ZNF211: variants seen among roughly 807,000 people sequenced by gnomAD.
ZNF211 encodes the protein zinc finger protein 211.
ZNF211 carries 18 observed loss-of-function variants against 12.1 expected under a neutral mutation model. The observed-to-expected ratio is 1.48, with a 90% confidence interval of 1.03 to 2.20. ZNF211 has a LOEUF of 2.20. Ranked by LOEUF, ZNF211 falls within the 30% of genes most tolerant of loss-of-function variation. The pLI is 0.00. For synonymous variants in ZNF211, 249 were observed against 246.0 expected, an observed-to-expected ratio of 1.01 and a Z score of -0.11; for missense variants, 677 against 703.1, an observed-to-expected ratio of 0.96 and a Z score of 0.42.
In ZNF211 at chr19:57,633,376, G is replaced by T; in HGVS notation, c.30G>T (p.Gln10His). ...TCGGGTTCCCCCCGGGTCGCCCGCA[G>T]CTCCCGGTCCAGCTCCGCCCACAGA... is the stretch of plus-strand genomic sequence containing the variant. MLGFPPGRPQLPVQLRPQTR... is the reference protein window; with the variant it reads MLGFPPGRPHLPVQLRPQTR... Residue 10 changes from glutamine (Q) to histidine (H), a missense_variant, in exon 1 of 4, where the codon CAG (glutamine) becomes CAT (histidine). Transcript: ENST00000240731. 1 of 1,602,104 alleles carries T rather than the reference G, an allele frequency of 6.2e-7. No individual in the cohort carries two copies. Among genetic ancestry groups the T allele is most frequent in the African/African-American group, 1.3e-5 (1 of 74,988 alleles).
chr19:57,640,766 G>T lies in ZNF211; in HGVS notation c.319G>T (p.Val107Leu), dbSNP rs773871849. The change falls in exon 4 of 4, where the codon GTG (valine) becomes TTG (leucine). Residue 107 changes from valine (V) to leucine (L), a missense_variant. Transcript: ENST00000240731. ...TGAACAGAGAATTTCTGGAGAAAGA[G>T]TGCCACAGTTCAGGACTTCCAAAGA... is the stretch of plus-strand genomic sequence containing the variant. ...PSEQRISGER[V>L]PQFRTSKEGS... 9.9e-6 allele frequency: 16 copies of T among 1,614,232 alleles called. No individual in the cohort carries two copies. The highest frequency in any genetic ancestry group is 7.7e-5 in the South Asian group (7 of 91,082).
intron 3 of ZNF211, among the ~76,000 whole-genome samples, chr19:57,638,352 T>G: frequency 6.6e-6 from 1 of 152,192 alleles, no homozygotes; most frequent in East Asian, 1.9e-4. Context: ...TGTTCCTCTT[T>G]TTATAATCCC....
chr19:57,634,798 C>G (rs1981929853), intron 3 of ZNF211, 43 bp downstream of exon 3: 2 of 1,473,340 alleles, frequency 1.4e-6, no homozygotes, highest in Non-Finnish European at 1.8e-6. Flanking sequence ...ACTAGGCTCT[C>G]TGTTTCTCCT....
intron 3 of ZNF211, among the ~76,000 whole-genome samples, chr19:57,636,071 TATTA>T (rs142789012): frequency 5.3e-4 from 81 of 152,314 alleles, no homozygotes; most frequent in Non-Finnish European, 9.3e-4. Context: ...AATTAGGTTT[TATTA>T]ATTATAATTA....
In ZNF211 at chr19:57,641,143, G is replaced by C. The variant is rs150549935; in HGVS notation, c.696G>C (p.Ala232=). 1.7e-5 allele frequency: 28 copies of C among 1,614,030 alleles called. No individual in the cohort carries two copies. The highest frequency in any genetic ancestry group is 2.3e-5 in the Non-Finnish European group (27 of 1,180,032). The part of the protein sequence containing the change: ...GEKPNNSNKC[A]VAFYSGKSHH... Reference sequence around the variant, plus strand: ...AGCCAAATAACAGTAACAAGTGTGCGGTGGCCTTTTACAGTGGAAAAAGTC... The same window carrying C: ...AGCCAAATAACAGTAACAAGTGTGCCGTGGCCTTTTACAGTGGAAAAAGTC... The change falls in exon 4 of 4, where the codon GCG becomes GCC. Residue 232 remains alanine, a synonymous_variant. Coordinates refer to ENST00000240731, the MANE Select transcript of ZNF211 (RefSeq NM_006385.5).
At chr19:57,635,668 G>T (rs751081463) in intron 3 of ZNF211, among the ~76,000 whole-genome samples, 2 of 152,072 alleles carry the variant, frequency 1.3e-5, no homozygotes, top group Non-Finnish European at 2.9e-5. Context: ...TCACCTTCTG[G>T]CTGTTGTGAA....
At position 57,633,253 on chromosome 19, in the gene ZNF211, T is replaced by C. The variant is rs919551207; in HGVS notation, c.-94T>C. The C allele has an allele frequency of 8.1e-7, 1 of 1,235,370 alleles. No homozygotes were observed. Among genetic ancestry groups the C allele is most frequent in the Non-Finnish European group, 1.1e-6 (1 of 918,230 alleles). 76.5% of individuals were successfully genotyped at this position (1,235,370 alleles called of 1,614,324 possible). A position where few individuals can be genotyped will look rare whatever the true frequency, so the allele number is the denominator to read the frequency against. The stretch of plus-strand genomic sequence containing the variant: ...CTGTCTGTCAGCCGCTTTGGTACGC[T>C]GCATCGGGATCGAAGTGACGGACCG... On this transcript the variant is annotated 5_prime_UTR_variant, in exon 1 of 4. Transcript: ENST00000240731.
intron 3 of ZNF211, among the ~76,000 whole-genome samples, chr19:57,639,393 CA>C (rs1982570702): frequency 1.2e-4 from 3 of 24,948 alleles, no homozygotes; most frequent in Non-Finnish European, 1.6e-4. Context: ...CTTCCCTTGT[CA>C]TTTCCTTTAT....
chr19:57,633,587 G>T, intron 1 of ZNF211, 151 bp downstream of exon 1: 1 of 1,518,274 alleles, frequency 6.6e-7, no homozygotes, highest in Non-Finnish European at 8.8e-7. Flanking sequence ...TGGGCAGGGG[G>T]ACAAGGGACA....
At chr19:57,637,652 T>C (rs1209189899) in intron 3 of ZNF211, among the ~76,000 whole-genome samples, 1 of 152,170 alleles carries the variant, frequency 6.6e-6, no homozygotes, top group African/African-American at 2.4e-5. Flanking sequence ...AGTTTGCTAG[T>C]GTTTGGTTGA....
chr19:57,640,761 A>G lies in ZNF211; in HGVS notation c.314A>G (p.Glu105Gly), dbSNP rs1982786992. ...ETPSEQRISG[E>G]RVPQFRTSKE... is the part of the protein sequence containing the mutation. ...CCTTCTGAACAGAGAATTTCTGGAGAAAGAGTGCCACAGTTCAGGACTTCC... is the reference window on the plus strand; with the variant it reads ...CCTTCTGAACAGAGAATTTCTGGAGGAAGAGTGCCACAGTTCAGGACTTCC... The change falls in exon 4 of 4, where the codon GAA becomes GGA. Residue 105 changes from glutamate to glycine, a missense_variant. Glu to Gly is a moderately conservative substitution (Grantham distance 98). Transcript: ENST00000240731. 6.2e-7 allele frequency: 1 copy of G among 1,614,224 alleles called. No individual in the cohort carries two copies. The highest frequency in any genetic ancestry group is 8.5e-7 in the Non-Finnish European group (1 of 1,180,028).
At chr19:57,637,362 T>G (rs1982271837) in intron 3 of ZNF211, among the ~76,000 whole-genome samples, 1 of 152,084 alleles carries the variant, frequency 6.6e-6, no homozygotes, top group African/African-American at 2.4e-5. Context: ...TTTCTGAGTG[T>G]TTTCCCCACG....
chr19:57,635,125 T>C (rs958535571), intron 3 of ZNF211, among the ~76,000 whole-genome samples: 2 of 152,336 alleles, frequency 1.3e-5, no homozygotes, highest in African/African-American at 4.8e-5. Flanking sequence ...TTACACAGAC[T>C]GTTCTTCAAC....
rs781234123 is a variant in ZNF211, at chr19:57,641,213, A to G, written c.766A>G (p.Thr256Ala). The G allele has an allele frequency of 6.2e-7, 1 of 1,614,098 alleles. No homozygotes were observed. The part of the protein sequence containing the change: ...KCSKAFSHID[T>A]LVQDQRILTR... Reference sequence around the variant, plus strand: ...CAGTAAAGCCTTTAGCCACATAGACACACTTGTTCAGGACCAGAGAATCCT... The same window carrying G: ...CAGTAAAGCCTTTAGCCACATAGACGCACTTGTTCAGGACCAGAGAATCCT... The change falls in exon 4 of 4, where the codon ACA becomes GCA. Residue 256 changes from threonine (T) to alanine (A), a missense_variant. Coordinates refer to ENST00000240731, the MANE Select transcript of ZNF211 (RefSeq NM_006385.5).
Position 57,640,921 on chromosome 19 carries a change from C to CA in ZNF211, c.475dup (p.Ile159AsnfsTer69). 6.2e-7 allele frequency: 1 copy of CA among 1,614,218 alleles called. No individual in the cohort carries two copies. Among genetic ancestry groups the CA allele is most frequent in the Non-Finnish European group, 8.5e-7 (1 of 1,180,044 alleles). On this transcript the variant is annotated frameshift_variant, in exon 4 of 4. Transcript: ENST00000240731. LOFTEE classifies it low-confidence loss of function (END_TRUNC). ...TACACACATGTGGAAAACAATTCTA[C>CA]ATCAGTGCAAATCTTCAACAGCACC...
rs1200748017 is a variant in ZNF211 at position 57,643,852 on chromosome 19, C to CT, written c.*1678dup. Reference sequence around the variant, plus strand: ...ATATATGATTTTATTAATAAAATGTCTTTTTTTCCAGTTTCATTCATGATG... The same window carrying CT: ...ATATATGATTTTATTAATAAAATGTCTTTTTTTTCCAGTTTCATTCATGATG... On this transcript the variant is annotated 3_prime_UTR_variant, in exon 4 of 4. Coordinates refer to ENST00000240731, the MANE Select transcript of ZNF211 (RefSeq NM_006385.5). Among the ~76,000 whole-genome samples the CT allele has an allele frequency of 5.9e-5, 9 of 152,110 alleles. No homozygotes were observed. In the East Asian group the frequency reaches 1.7e-3, roughly 29 times the overall value.
intron 3 of ZNF211, chr19:57,640,081 T>C: frequency 6.5e-7 from 1 of 1,533,598 alleles, no homozygotes; most frequent in Non-Finnish European, 8.7e-7. Flanking sequence ...TGTGTTTAAA[T>C]TGCACCAGGA....
chr19:57,637,036 G>A (rs909146751), intron 3 of ZNF211, among the ~76,000 whole-genome samples: 8 of 152,064 alleles, frequency 5.3e-5, no homozygotes. Context: ...TTTGCATGTT[G>A]TATTTATATT....
chr19:57,633,727 T>C (rs1006526422), intron 1 of ZNF211: 7 of 1,533,104 alleles, frequency 4.6e-6, no homozygotes, highest in Non-Finnish European at 6.1e-6. Flanking sequence ...GTGGGAGCCA[T>C]AGAGAGCTTG....
Sources: allele counts gnomAD v4.1 joint callset (sites outside exome capture counted in the v4.1 genomes callset), GRCh38; gene constraint gnomAD v4.1.1; transcripts MANE v1.5; gene names NCBI Gene and HGNC (gene_info 2026-07-23, HGNC 2026-07-21).